Variants in COL4A2 observed in about 807,000 individuals in gnomAD.
The protein encoded by COL4A2 is collagen type IV alpha 2 chain, also known as collagen alpha-2(IV) chain.
In COL4A2, 99 loss-of-function variants were observed where a neutral mutation model predicts 200.2. That is an observed-to-expected ratio of 0.49 (90% confidence interval 0.42 to 0.58). The LOEUF (loss-of-function observed/expected upper bound fraction) is 0.58, where lower values mean the gene tolerates loss of function less well. Ranked by LOEUF, COL4A2 falls within the 20% of genes least tolerant of loss-of-function variation. COL4A2 has a pLI of 0.00. For missense variants in COL4A2, 1,950 were observed against 2,314.1 expected, an observed-to-expected ratio of 0.84 and a Z score of 3.23; for synonymous variants, 897 against 900.6, an observed-to-expected ratio of 1.00 and a Z score of 0.07.
At chr13:110,426,317 C>G (rs1880469874) in intron 6 of COL4A2, among the ~76,000 whole-genome samples, 1 of 152,178 alleles carries the variant, frequency 6.6e-6, no homozygotes, top group South Asian at 2.1e-4. Flanking sequence ...TTTACACTCA[C>G]TTAATATCAG....
intron 3 of COL4A2, among the ~76,000 whole-genome samples, chr13:110,312,587 G>A (rs1282924903): frequency 6.6e-6 from 1 of 152,192 alleles, no homozygotes; most frequent in African/African-American, 2.4e-5. Flanking sequence ...AGTGGTTTGA[G>A]AATGTCTCAT....
At chr13:110,453,833 T>A (rs971565889) in intron 20 of COL4A2, among the ~76,000 whole-genome samples, 1 of 152,250 alleles carries the variant, frequency 6.6e-6, no homozygotes, top group Non-Finnish European at 1.5e-5. Context: ...TCAACATTTT[T>A]AAAGCAAGTT....
At chr13:110,374,171 T>C (rs1394432987) in intron 4 of COL4A2, among the ~76,000 whole-genome samples, 2 of 152,144 alleles carry the variant, frequency 1.3e-5, no homozygotes, top group African/African-American at 4.8e-5. Flanking sequence ...CTTACGGTGG[T>C]CCCGGGGCGA....
In COL4A2 at chr13:110,500,955, A is replaced by T. The variant is rs553503716; in HGVS notation, c.3761-713A>T. The stretch of plus-strand genomic sequence containing the variant: ...CAGCAAAATCACCAGCATAAAGCAC[A>T]AAAATGTGGAAAACAGGGCACTACA... On this transcript the variant is annotated intron_variant, in intron 40 of 47. Transcript: ENST00000360467. Among the ~76,000 whole-genome samples the T allele has an allele frequency of 8.5e-5, 13 of 152,352 alleles. 1 individual carries two copies. In the South Asian group the frequency reaches 2.5e-3, roughly 29 times the overall value.
At chr13:110,505,155 C>G (rs192007231) in intron 45 of COL4A2, among the ~76,000 whole-genome samples, 8 of 151,172 alleles carry the variant, frequency 5.3e-5, no homozygotes, top group South Asian at 4.2e-4. Flanking sequence ...TCGAGACCAT[C>G]CTGGCTAACA....
intron 11 of COL4A2, among the ~76,000 whole-genome samples, chr13:110,433,493 G>A (rs1033712220): frequency 1.3e-5 from 2 of 152,232 alleles, no homozygotes; most frequent in East Asian, 1.9e-4. Flanking sequence ...GCCTGGCCGC[G>A]TTTCTGTGCT....
At chr13:110,415,940 A>G (rs941833592) in intron 4 of COL4A2, among the ~76,000 whole-genome samples, 8 of 152,258 alleles carry the variant, frequency 5.3e-5, no homozygotes, top group Non-Finnish European at 1.0e-4. Context: ...GGGTGTGAAG[A>G]TGACCTAAGA....
chr13:110,359,079 T>C (rs1315403956), intron 4 of COL4A2, among the ~76,000 whole-genome samples: 1 of 152,250 alleles, frequency 6.6e-6, no homozygotes, highest in Non-Finnish European at 1.5e-5. Context: ...TAGGGAGCAC[T>C]GGCAGTTGTA....
intron 4 of COL4A2, among the ~76,000 whole-genome samples, chr13:110,371,694 A>T (rs991184837): frequency 6.6e-6 from 1 of 152,190 alleles, no homozygotes; most frequent in Admixed American, 6.5e-5. Context: ...CTCTCCACGT[A>T]GCTCTGCTGT....
intron 40 of COL4A2, among the ~76,000 whole-genome samples, chr13:110,501,033 G>A (rs148112728): frequency 4.6e-5 from 7 of 152,316 alleles, no homozygotes; most frequent in African/African-American, 1.4e-4. Flanking sequence ...AAGAAGGCAG[G>A]AGCGTCACCT....
intron 3 of COL4A2, among the ~76,000 whole-genome samples, chr13:110,342,031 C>T (rs1037028221): frequency 2.0e-5 from 3 of 152,160 alleles, no homozygotes; most frequent in Non-Finnish European, 2.9e-5. Flanking sequence ...CTCATAGTGA[C>T]GAACAGAGAA....
At chr13:110,406,403 G>A (rs1014168761) in intron 4 of COL4A2, among the ~76,000 whole-genome samples, 2 of 152,192 alleles carry the variant, frequency 1.3e-5, no homozygotes, top group African/African-American at 4.8e-5. Flanking sequence ...TCTTAAGGAA[G>A]TGACAGCATA....
At chr13:110,408,174 G>A (rs1246876895) in intron 4 of COL4A2, among the ~76,000 whole-genome samples, 2 of 152,148 alleles carry the variant, frequency 1.3e-5, no homozygotes, top group African/African-American at 2.4e-5. Context: ...AGGCGGGTCC[G>A]TGGCCACCAG....
intron 4 of COL4A2, among the ~76,000 whole-genome samples, chr13:110,364,240 T>C (rs1877646461): frequency 6.6e-6 from 1 of 152,210 alleles, no homozygotes; most frequent in South Asian, 2.1e-4. Context: ...TGTCTACACA[T>C]AGCTCTCACT....
At chr13:110,324,392 T>C (rs1885352154) in intron 3 of COL4A2, among the ~76,000 whole-genome samples, 1 of 152,196 alleles carries the variant, frequency 6.6e-6, no homozygotes, top group Non-Finnish European at 1.5e-5. Flanking sequence ...TGCTGGGCTC[T>C]TGATATTGAG....
intron 47 of COL4A2, among the ~76,000 whole-genome samples, chr13:110,509,190 T>C (rs1405948558): frequency 1.4e-5 from 2 of 147,710 alleles, no homozygotes; most frequent in African/African-American, 4.9e-5. Context: ...GCATTATAAC[T>C]GTCATAACTC....
rs560904956 is a variant in COL4A2, at chr13:110,423,066, G to A, written c.181-1668G>A. Among the ~76,000 whole-genome samples, 3 of 152,312 alleles carry A rather than the reference G, an allele frequency of 2.0e-5. No homozygotes were observed. In the South Asian group the frequency reaches 6.2e-4, roughly 32 times the overall value. Reference sequence around the variant, plus strand: ...CCCCCCTCAATCTCAGGGCAAGACAGGAATTTGACATTTCACAGCAAATGG... The same window carrying A: ...CCCCCCTCAATCTCAGGGCAAGACAAGAATTTGACATTTCACAGCAAATGG... On this transcript the variant is annotated intron_variant, in intron 4 of 47. Transcript: ENST00000360467.
chr13:110,308,349 T>C (rs1884864233), intron 3 of COL4A2, among the ~76,000 whole-genome samples: 1 of 152,170 alleles, frequency 6.6e-6, no homozygotes, highest in Admixed American at 6.5e-5. Context: ...TTTGCAAGCG[T>C]CGGCCTTTCA....
intron 4 of COL4A2, among the ~76,000 whole-genome samples, chr13:110,383,945 C>G (rs1243669525): frequency 6.6e-6 from 1 of 152,190 alleles, no homozygotes; most frequent in African/African-American, 2.4e-5. Context: ...GCAACACTCA[C>G]ACTGATGCAC....
Sources: allele counts gnomAD v4.1 joint callset (sites outside exome capture counted in the v4.1 genomes callset), GRCh38; gene constraint gnomAD v4.1.1; transcripts MANE v1.5; gene names NCBI Gene and HGNC (gene_info 2026-07-23, HGNC 2026-07-21).